The following DCAF5 variants were observed in gnomAD, a reference collection of about 807,000 sequenced individuals.
The protein encoded by DCAF5 is DDB1 and CUL4 associated factor 5.
In DCAF5, 9 loss-of-function variants were observed where a neutral mutation model predicts 80.7. The ratio of observed to expected loss-of-function variants is 0.11; its 90% CI spans 0.07 to 0.19. The LOEUF is 0.19. Among genes scored for constraint, DCAF5 ranks in the 10% least tolerant of loss-of-function variants. The pLI, the probability that DCAF5 is intolerant of heterozygous loss-of-function variation, is 1.00. For synonymous variants in DCAF5, 433 were observed against 461.9 expected, an observed-to-expected ratio of 0.94 and a Z score of 0.80; for missense variants, 842 against 1,205.7, an observed-to-expected ratio of 0.70 and a Z score of 4.47.
At chr14:69,132,652 G>C (rs1157676426) in intron 1 of DCAF5, among the ~76,000 whole-genome samples, 1 of 152,114 alleles carries the variant, frequency 6.6e-6, no homozygotes, top group Non-Finnish European at 1.5e-5. Context: ...AGAGCACTAA[G>C]CTCTATTTAC....
At chr14:69,108,670 A>G (rs1288774726) in intron 5 of DCAF5, among the ~76,000 whole-genome samples, 1 of 152,234 alleles carries the variant, frequency 6.6e-6, no homozygotes, top group Non-Finnish European at 1.5e-5. Flanking sequence ...AGTGCTTGGG[A>G]GAAAGCAAGC....
chr14:69,098,880 G>A lies in DCAF5; in HGVS notation c.666-6993C>T, dbSNP rs533420081. Among the ~76,000 whole-genome samples, 138 of 123,514 alleles carry A rather than the reference G, an allele frequency of 1.1e-3. 1 individual carries two copies. Among genetic ancestry groups the A allele is most frequent in the Non-Finnish European group, 2.0e-3 (121 of 61,528 alleles). 81.0% of individuals were successfully genotyped at this position (123,514 alleles called of 152,430 possible). A position where few individuals can be genotyped will look rare whatever the true frequency, so the allele number is the denominator to read the frequency against. ...TGCACTCCAGCCTGGCCGACTGAGCGAGACTCTGTCTCCAAAAAAAAAAAA... is the reference window on the plus strand; with the variant it reads ...TGCACTCCAGCCTGGCCGACTGAGCAAGACTCTGTCTCCAAAAAAAAAAAA... On this transcript the variant is annotated intron_variant, in intron 5 of 8. Coordinates refer to ENST00000341516, the MANE Select transcript of DCAF5 (RefSeq NM_003861.3).
intron 5 of DCAF5, among the ~76,000 whole-genome samples, chr14:69,104,810 T>C (rs1312441567): frequency 6.6e-6 from 1 of 151,390 alleles, no homozygotes; most frequent in East Asian, 1.9e-4. Context: ...TGAGCCAAGA[T>C]AGCGCCATTG....
intron 5 of DCAF5, among the ~76,000 whole-genome samples, chr14:69,110,321 G>A (rs963488271): frequency 7.8e-5 from 11 of 141,004 alleles, no homozygotes; most frequent in Admixed American, 1.5e-4. Flanking sequence ...CCAGGCTAGA[G>A]TGCAGTGGTG....
At chr14:69,133,303 G>C (rs2041095230) in intron 1 of DCAF5, among the ~76,000 whole-genome samples, 1 of 152,298 alleles carries the variant, frequency 6.6e-6, no homozygotes, top group South Asian at 2.1e-4. Flanking sequence ...AAATATAAGA[G>C]GCCAGGCAGC....
At chr14:69,139,520 A>T (rs980810653) in intron 1 of DCAF5, among the ~76,000 whole-genome samples, 2 of 152,020 alleles carry the variant, frequency 1.3e-5, no homozygotes, top group Non-Finnish European at 2.9e-5. Context: ...AAAGAAAAAA[A>T]GAGAAAAGGA....
At chr14:69,116,084 A>G (rs1005664168) in intron 5 of DCAF5, among the ~76,000 whole-genome samples, 3 of 151,932 alleles carry the variant, frequency 2.0e-5, no homozygotes, top group Admixed American at 1.3e-4. Context: ...GAGAGAAGGC[A>G]ATACTAAAGG....
intron 6 of DCAF5, chr14:69,084,189 T>A (rs560171239): frequency 5.3e-6 from 5 of 949,402 alleles, no homozygotes. Context: ...TTTGGTGTTC[T>A]TAAGGAGCTA....
chr14:69,101,619 G>A (rs531413686), intron 5 of DCAF5, among the ~76,000 whole-genome samples: 5 of 152,302 alleles, frequency 3.3e-5, no homozygotes, highest in South Asian at 2.1e-4. Context: ...GTCATGCATC[G>A]CTTAATGACA....
chr14:69,063,012 C>T (rs578001657), intron 7 of DCAF5, among the ~76,000 whole-genome samples: 5 of 152,124 alleles, frequency 3.3e-5, no homozygotes, highest in Admixed American at 6.6e-5. Flanking sequence ...ACAAAAAACC[C>T]CATAAAAACC....
chr14:69,120,850 C>A (rs1278256942), intron 2 of DCAF5, among the ~76,000 whole-genome samples: 2 of 152,216 alleles, frequency 1.3e-5, no homozygotes, highest in Admixed American at 6.5e-5. Flanking sequence ...TCCAACTGGA[C>A]AAACAACTAA....
At chr14:69,108,663 G>A (rs1445278418) in intron 5 of DCAF5, among the ~76,000 whole-genome samples, 1 of 152,166 alleles carries the variant, frequency 6.6e-6, no homozygotes, top group Admixed American at 6.5e-5. Context: ...GGAATACAGT[G>A]CTTGGGAGAA....
At chr14:69,095,603 G>A (rs1313578792) in intron 5 of DCAF5, among the ~76,000 whole-genome samples, 2 of 151,992 alleles carry the variant, frequency 1.3e-5, no homozygotes, top group African/African-American at 2.4e-5. Context: ...GCTCTGGTGG[G>A]GTAAAAAGAA....
At chr14:69,066,260 G>T (rs1338461390) in intron 7 of DCAF5, among the ~76,000 whole-genome samples, 2 of 151,450 alleles carry the variant, frequency 1.3e-5, no homozygotes, top group Non-Finnish European at 2.9e-5. Flanking sequence ...TCAGCCTTCC[G>T]ACTAGCTGGG....
chr14:69,152,137 A>G lies in DCAF5; in HGVS notation c.214+628T>C, dbSNP rs1255821477. Among the ~76,000 whole-genome samples, 1 of 152,186 alleles carries G rather than the reference A, an allele frequency of 6.6e-6. No homozygotes were observed. Among genetic ancestry groups the G allele is most frequent in the East Asian group, 1.9e-4 (1 of 5,192 alleles). ...CTGTATTAAAAACAAGACGCAGAAGAGGCCACAACCGAACGAAAGGCGATG... is the reference window on the plus strand; with the variant it reads ...CTGTATTAAAAACAAGACGCAGAAGGGGCCACAACCGAACGAAAGGCGATG... On this transcript the variant is annotated intron_variant, in intron 1 of 8. Coordinates refer to ENST00000341516, the MANE Select transcript of DCAF5 (RefSeq NM_003861.3). This position sits in a 1 kb window ranked among gnomAD's most constrained non-coding sequence, Gnocchi z 4.1.
chr14:69,120,704 T>C (rs1173333906), intron 2 of DCAF5, among the ~76,000 whole-genome samples: 1 of 152,204 alleles, frequency 6.6e-6, no homozygotes, highest in African/African-American at 2.4e-5. Flanking sequence ...TAAATTCTAC[T>C]GTAGGTACAA....
chr14:69,149,621 A>C (rs2041643200), intron 1 of DCAF5: 1 of 152,266 alleles, frequency 6.6e-6, no homozygotes, highest in African/African-American at 2.4e-5. Flanking sequence ...AGTATGTGTC[A>C]GTTACCAGAA....
chr14:69,151,302 CAGA>C (rs1395744107), intron 1 of DCAF5, among the ~76,000 whole-genome samples: 4 of 152,212 alleles, frequency 2.6e-5, no homozygotes, highest in African/African-American at 7.2e-5. Context: ...GGACAGACCC[CAGA>C]AGGTTTATCA....
In DCAF5 at chr14:69,152,646, G is replaced by A. The variant is rs1370426008; in HGVS notation, c.214+119C>T. On this transcript the variant is annotated intron_variant, in intron 1 of 8. Transcript: ENST00000341516. This position sits in a 1 kb window ranked among gnomAD's most constrained non-coding sequence, Gnocchi z 4.1. Reference sequence around the variant, plus strand: ...GACACCAAACCTTCCCACCGCAGAAGGGGGTAGAGAAAGGGAGGGGGTGGG... The same window carrying A: ...GACACCAAACCTTCCCACCGCAGAAAGGGGTAGAGAAAGGGAGGGGGTGGG... 2 of 699,328 alleles carry A rather than the reference G, an allele frequency of 2.9e-6. No individual in the cohort carries two copies. The highest frequency in any genetic ancestry group is 2.8e-5 in the East Asian group (1 of 36,098). The allele number at this position is 699,328 out of a possible 1,614,324, so 43.3% of individuals were successfully genotyped here.
Sources: gnomAD v4.1 joint callset for allele counts (sites outside exome capture counted in the v4.1 genomes callset) on GRCh38, gnomAD v4.1.1 for gene constraint, Gnocchi (gnomAD v3.1) non-coding constraint, MANE v1.5 for transcripts, NCBI Gene and HGNC (gene_info 2026-07-23, HGNC 2026-07-21) for gene names.